Variants in CELF4 observed in about 807,000 individuals in gnomAD.
The protein encoded by CELF4 is CUG-BP- and ETR-3-like factor 4.
A neutral mutation model predicts 59.9 loss-of-function variants in CELF4; 18 were observed. The observed-to-expected ratio is 0.30, with a 90% confidence interval of 0.21 to 0.45. The LOEUF (loss-of-function observed/expected upper bound fraction) is 0.45, where lower values mean the gene tolerates loss of function less well. Among genes scored for constraint, CELF4 ranks in the 20% least tolerant of loss-of-function variants. CELF4 has a pLI of 1.00. For synonymous variants in CELF4, 261 were observed against 267.1 expected (o/e 0.98, Z 0.22); for missense variants, 456 against 689.0 (o/e 0.66, Z 3.79).
chr18:37,265,032 C>CGT (rs749716103), intron 9 of CELF4, among the ~76,000 whole-genome samples: 2 of 146,414 alleles, frequency 1.4e-5, no homozygotes, highest in African/African-American at 5.1e-5. Flanking sequence ...TGTGTGTGTA[C>CGT]GTGTGTGTGT....
Position 37,550,087 on chromosome 18 carries a change from G to GGC in CELF4, c.286+15268_286+15269insGC, listed in dbSNP as rs1410565208. ...CTGGCAATGTGGTCCAATGGGTGGGGGGGGGGGATCCGTGGGAAGAAAGAA... is the reference window on the plus strand; with the variant it reads ...CTGGCAATGTGGTCCAATGGGTGGGGGCGGGGGGGATCCGTGGGAAGAAAGAA... On this transcript the variant is annotated intron_variant, in intron 1 of 12. Transcript: ENST00000420428. Among the ~76,000 whole-genome samples, 10 of 128,876 alleles carry GGC rather than the reference G, an allele frequency of 7.8e-5. No individual in the cohort carries two copies. In the East Asian group the frequency reaches 2.0e-3, roughly 26 times the overall value. 84.5% of individuals were successfully genotyped at this position (128,876 alleles called of 152,430 possible).
intron 2 of CELF4, among the ~76,000 whole-genome samples, chr18:37,427,286 C>T (rs1216601930): frequency 6.6e-6 from 1 of 152,156 alleles, no homozygotes; most frequent in Non-Finnish European, 1.5e-5. Context: ...TTTTCAATAG[C>T]CCAGGCAGGA....
chr18:37,377,292 C>T lies in CELF4; in HGVS notation c.370-55411G>A, dbSNP rs112256460. On this transcript the variant is annotated intron_variant, in intron 2 of 12. Transcript: ENST00000420428. ...AGGACGGCCTCCTGCTTCTGCAGGACCCTGAGGTCTACATGTCCCAAAAAA... is the reference window on the plus strand; with the variant it reads ...AGGACGGCCTCCTGCTTCTGCAGGATCCTGAGGTCTACATGTCCCAAAAAA... Among the ~76,000 whole-genome samples the T allele has an allele frequency of 5.2e-3, 795 of 152,210 alleles. 2 individuals carry two copies. Among genetic ancestry groups the T allele is most frequent in the South Asian group, 0.027 (131 of 4,806 alleles).
chr18:37,336,837 C>T (rs16968760), intron 2 of CELF4, among the ~76,000 whole-genome samples: 2,911 of 152,356 alleles, frequency 0.019, 104 homozygotes, highest in African/African-American at 0.067. Flanking sequence ...CTCCTGAGGT[C>T]TCGTCAAGGC....
At chr18:37,348,361 G>A (rs754443736) in intron 2 of CELF4, among the ~76,000 whole-genome samples, 9 of 152,202 alleles carry the variant, frequency 5.9e-5, no homozygotes, top group Non-Finnish European at 8.8e-5. Flanking sequence ...GGCTTCTTTG[G>A]TCCCTTCCTT....
chr18:37,446,193 G>T (rs1183548444), intron 2 of CELF4, among the ~76,000 whole-genome samples: 2 of 152,194 alleles, frequency 1.3e-5, no homozygotes, highest in Non-Finnish European at 2.9e-5. Context: ...GATGAGGAGG[G>T]TCTGCAGACT....
chr18:37,555,196 G>A (rs1272340251), intron 1 of CELF4, among the ~76,000 whole-genome samples: 3 of 152,168 alleles, frequency 2.0e-5, no homozygotes, highest in Non-Finnish European at 2.9e-5. Context: ...TTCACACAGC[G>A]GGGGCAAGCA....
intron 1 of CELF4, among the ~76,000 whole-genome samples, chr18:37,518,802 T>C (rs1234207579): frequency 1.3e-5 from 2 of 152,210 alleles, no homozygotes; most frequent in East Asian, 3.9e-4. Context: ...GATGGCCCAG[T>C]GTGGTTCCTT....
intron 3 of CELF4, among the ~76,000 whole-genome samples, chr18:37,320,926 G>A (rs568520545): frequency 2.0e-5 from 3 of 152,226 alleles, no homozygotes; most frequent in South Asian, 2.1e-4. Context: ...GCTGGTGCCC[G>A]GGTAGGGGAG....
intron 1 of CELF4, among the ~76,000 whole-genome samples, chr18:37,498,777 C>G (rs1427608057): frequency 6.6e-6 from 1 of 152,054 alleles, no homozygotes; most frequent in African/African-American, 2.4e-5. Context: ...AGGGTTGCAC[C>G]TGGCCTGGGA....
intron 9 of CELF4, 126 bp from the exon 10 acceptor site, chr18:37,264,883 C>T: frequency 1.4e-6 from 1 of 724,404 alleles, no homozygotes; most frequent in South Asian, 1.7e-5. Context: ...CACTCAGCCA[C>T]TTAGGACAAA....
intron 12 of CELF4, among the ~76,000 whole-genome samples, chr18:37,248,200 T>G (rs1415483056): frequency 6.6e-6 from 1 of 152,110 alleles, no homozygotes; most frequent in East Asian, 1.9e-4. Context: ...CCTCAGAACC[T>G]GAGCAGGGTT....
At chr18:37,247,339 T>TAGAGAGAGAGAG (rs3840897) in intron 12 of CELF4, 1 of 129,918 alleles carries the variant, frequency 7.7e-6, no homozygotes, top group African/African-American at 3.0e-5. Context: ...TTTATATATG[T>TAGAGAGAGAGAG]AGAGAGAGAG....
chr18:37,294,230 C>T (rs988051219), intron 3 of CELF4, among the ~76,000 whole-genome samples: 2 of 152,156 alleles, frequency 1.3e-5, no homozygotes, highest in African/African-American at 4.8e-5. Flanking sequence ...TTCATCTCAT[C>T]CTCCGGACCA....
At chr18:37,546,633 T>C (rs186240588) in intron 1 of CELF4, among the ~76,000 whole-genome samples, 31 of 152,262 alleles carry the variant, frequency 2.0e-4, no homozygotes, top group African/African-American at 7.2e-4. Flanking sequence ...CTCCCCTCTC[T>C]TTCCAGAACA....
At chr18:37,482,175 T>C (rs1163137451) in intron 2 of CELF4, among the ~76,000 whole-genome samples, 1 of 152,194 alleles carries the variant, frequency 6.6e-6, no homozygotes, top group Non-Finnish European at 1.5e-5. Context: ...GGATGTGTTT[T>C]TCTTATCTCT....
intron 2 of CELF4, among the ~76,000 whole-genome samples, chr18:37,376,867 C>A (rs866598542): frequency 1.5e-4 from 23 of 152,112 alleles, no homozygotes; most frequent in Admixed American, 1.2e-3. Context: ...AAGCTCTGCT[C>A]AATTTGAAAG....
chr18:37,265,820 C>T (rs1283669245), intron 9 of CELF4, among the ~76,000 whole-genome samples: 1 of 152,232 alleles, frequency 6.6e-6, no homozygotes, highest in Non-Finnish European at 1.5e-5. Flanking sequence ...GGAGACAGCA[C>T]TGGCTCTTCT....
At chr18:37,530,516 AATC>A (rs2099968431) in intron 1 of CELF4, among the ~76,000 whole-genome samples, 1 of 152,048 alleles carries the variant, frequency 6.6e-6, no homozygotes, top group Admixed American at 6.6e-5. Flanking sequence ...GGTGGGTTAT[AATC>A]ATCATTGTAT....
Sources: gnomAD v4.1 joint callset for allele counts (sites outside exome capture counted in the v4.1 genomes callset) on GRCh38, gnomAD v4.1.1 for gene constraint, MANE v1.5 for transcripts, NCBI Gene and HGNC (gene_info 2026-07-23, HGNC 2026-07-21) for gene names.